Variants in AK5 observed in about 807,000 individuals in gnomAD.
AK5 encodes the protein adenylate kinase 5, also known as adenylate kinase isoenzyme 5.
Under a neutral mutation model 69.5 loss-of-function variants are expected in AK5, and 27 were observed. That is an observed-to-expected ratio of 0.39 (90% CI 0.29 to 0.54). AK5 has a LOEUF of 0.54. AK5 is among the 20% of genes least tolerant of loss of function. The pLI, the probability that AK5 is intolerant of heterozygous loss-of-function variation, is 0.71. For synonymous variants in AK5, 260 were observed against 244.4 expected, an observed-to-expected ratio of 1.06 and a Z score of -0.60; for missense variants, 531 against 700.4, an observed-to-expected ratio of 0.76 and a Z score of 2.73.
intron 10 of AK5, among the ~76,000 whole-genome samples, chr1:77,486,675 T>C (rs1023320523): frequency 7.4e-5 from 11 of 148,298 alleles, no homozygotes; most frequent in East Asian, 4.0e-4. Context: ...TCCACCTGGG[T>C]GACAGAGCAA....
intron 7 of AK5, among the ~76,000 whole-genome samples, chr1:77,414,735 T>TTCGTAACA (rs1472783793): frequency 6.6e-6 from 1 of 152,218 alleles, no homozygotes; most frequent in African/African-American, 2.4e-5. Context: ...CTATCACTTT[T>TTCGTAACA]TCGTAACATC....
At chr1:77,484,237 GA>G (rs1480789329) in intron 9 of AK5, among the ~76,000 whole-genome samples, 1 of 151,194 alleles carries the variant, frequency 6.6e-6, no homozygotes, top group Non-Finnish European at 1.5e-5. Context: ...AAATAGATAT[GA>G]TTATGTGAAT....
At chr1:77,283,152 T>C in intron 1 of AK5, 1 of 985,706 alleles carries the variant, frequency 1.0e-6, no homozygotes. Context: ...ACTTGGAGAC[T>C]GAGAGAGAGG....
At chr1:77,398,851 T>C (rs966699348) in intron 6 of AK5, among the ~76,000 whole-genome samples, 26 of 152,106 alleles carry the variant, frequency 1.7e-4, no homozygotes, top group African/African-American at 6.3e-4. Flanking sequence ...GTTCAATATA[T>C]CTATATTGAA....
intron 8 of AK5, among the ~76,000 whole-genome samples, chr1:77,470,875 A>ATTTTT (rs149758544): frequency 1.3e-5 from 1 of 74,972 alleles, no homozygotes; most frequent in African/African-American, 6.7e-5. Flanking sequence ...ATATATATAT[A>ATTTTT]TTTTTTTTTT....
intron 6 of AK5, among the ~76,000 whole-genome samples, chr1:77,360,799 A>G (rs1646849235): frequency 6.6e-6 from 1 of 152,154 alleles, no homozygotes; most frequent in Non-Finnish European, 1.5e-5. Flanking sequence ...ATAGATCAAA[A>G]CCAGCAATTC....
chr1:77,510,780 G>A (rs562063190), intron 10 of AK5, among the ~76,000 whole-genome samples: 48 of 152,100 alleles, frequency 3.2e-4, no homozygotes, highest in Admixed American at 1.8e-3. Context: ...CAGGCACTGT[G>A]TTTGTGCACC....
At chr1:77,518,863 G>C (rs1418884724) in intron 11 of AK5, 136 bp downstream of exon 11, 1 of 868,316 alleles carries the variant, frequency 1.2e-6, no homozygotes, top group African/African-American at 1.7e-5. Flanking sequence ...CTCCTTTGCA[G>C]CAATCCAGAT....
chr1:77,364,021 C>G (rs548847428), intron 6 of AK5, among the ~76,000 whole-genome samples: 1 of 151,792 alleles, frequency 6.6e-6, no homozygotes. Context: ...GTGCATGGTA[C>G]GTGGAAAGTG....
intron 10 of AK5, among the ~76,000 whole-genome samples, chr1:77,491,304 ATTTTTTT>A: frequency 1.1e-5 from 1 of 87,368 alleles, no homozygotes; most frequent in Non-Finnish European, 2.1e-5. Context: ...CATGAATTGA[ATTTTTTT>A]TTTTTTTTTT....
intron 6 of AK5, among the ~76,000 whole-genome samples, chr1:77,362,997 G>A (rs1646891294): frequency 6.6e-6 from 1 of 152,144 alleles, no homozygotes; most frequent in Non-Finnish European, 1.5e-5. Flanking sequence ...TTACCCTCAT[G>A]TTTATAGACA....
At chr1:77,510,312 G>C (rs1279140784) in intron 10 of AK5, among the ~76,000 whole-genome samples, 4 of 152,192 alleles carry the variant, frequency 2.6e-5, no homozygotes, top group Non-Finnish European at 5.9e-5. Flanking sequence ...GAGAAAGAGA[G>C]AATTTTGAGA....
At chr1:77,404,088 G>T (rs1026097199) in intron 6 of AK5, among the ~76,000 whole-genome samples, 3 of 152,114 alleles carry the variant, frequency 2.0e-5, no homozygotes, top group African/African-American at 7.2e-5. Flanking sequence ...CTCATGATTT[G>T]GCTCTCTGTT....
intron 6 of AK5, among the ~76,000 whole-genome samples, chr1:77,394,127 A>G (rs1648669700): frequency 6.6e-6 from 1 of 151,892 alleles, no homozygotes; most frequent in South Asian, 2.1e-4. Context: ...AGGCAGGAGA[A>G]TGGAGTGAAC....
intron 12 of AK5, chr1:77,532,467 T>G (rs1340086227): frequency 6.6e-6 from 1 of 151,790 alleles, no homozygotes; most frequent in East Asian, 1.9e-4. Flanking sequence ...TCCATCAGGG[T>G]GAGGTCACCA....
In AK5 at chr1:77,287,092, A is replaced by G; in HGVS notation, c.212A>G (p.Asn71Ser). Residue 71 changes from asparagine (N) to serine (S), a missense_variant, in exon 2 of 14, where the codon AAT becomes AGT. Transcript: ENST00000354567. ...GAAAAGAAGACCTTACCTCCACTAAATGGAGGACAGTCACGGAGATCCTTT... is the reference window on the plus strand; with the variant it reads ...GAAAAGAAGACCTTACCTCCACTAAGTGGAGGACAGTCACGGAGATCCTTT... ...SQEKKTLPPL[N>S]GGQSRRSFLR... 9 of 1,603,658 alleles carry G rather than the reference A, an allele frequency of 5.6e-6. No individual in the cohort carries two copies. Among genetic ancestry groups the G allele is most frequent in the African/African-American group, 2.7e-5 (2 of 74,388 alleles).
chr1:77,337,704 G>T (rs528629507), intron 5 of AK5, among the ~76,000 whole-genome samples: 3 of 152,028 alleles, frequency 2.0e-5, no homozygotes, highest in Non-Finnish European at 1.5e-5. Flanking sequence ...AAAATGATTT[G>T]CATGTTGTTT....
chr1:77,446,320 G>A (rs1239412120), intron 8 of AK5, among the ~76,000 whole-genome samples: 1 of 152,122 alleles, frequency 6.6e-6, no homozygotes, highest in African/African-American at 2.4e-5. Flanking sequence ...CTACTGTTTT[G>A]ATTACTATAG....
intron 12 of AK5, among the ~76,000 whole-genome samples, chr1:77,524,417 G>GA: frequency 6.6e-6 from 1 of 152,118 alleles, no homozygotes; most frequent in East Asian, 1.9e-4. Flanking sequence ...CATTCCTACC[G>GA]ACAATGCGTG....
Sources: gnomAD v4.1 joint callset for allele counts (sites outside exome capture counted in the v4.1 genomes callset) on GRCh38, gnomAD v4.1.1 for gene constraint, MANE v1.5 for transcripts, NCBI Gene and HGNC (gene_info 2026-07-23, HGNC 2026-07-21) for gene names.